LGSN: variants seen among roughly 807,000 people sequenced by gnomAD.
LGSN encodes the protein lengsin, lens protein with glutamine synthetase domain.
Under a neutral mutation model 19.5 loss-of-function variants are expected in LGSN, and 21 were observed. The observed-to-expected ratio is 1.07, with a 90% CI of 0.76 to 1.55. LGSN has a LOEUF of 1.55. Among genes scored for constraint, LGSN ranks in the 40% most tolerant of loss-of-function variants. LGSN has a pLI of 0.00. For missense variants in LGSN, 673 were observed against 608.5 expected (o/e 1.11, Z -1.12); for synonymous variants, 257 against 215.6 (o/e 1.19, Z -1.68).
the LGSN span, among the ~76,000 whole-genome samples, chr6:63,539,784 G>A: frequency 4.6e-5 from 7 of 151,152 alleles, no homozygotes; most frequent in Non-Finnish European, 7.4e-5. Context: ...AAAAAAATTG[G>A]CAAAGGATAT....
the LGSN span, among the ~76,000 whole-genome samples, chr6:63,505,319 G>A: frequency 6.6e-6 from 1 of 151,720 alleles, no homozygotes; most frequent in East Asian, 1.9e-4. Context: ...TCTCACATCT[G>A]TAATCCCAGC....
the LGSN span, among the ~76,000 whole-genome samples, chr6:63,505,085 CT>C: frequency 6.6e-6 from 1 of 151,936 alleles, no homozygotes; most frequent in Non-Finnish European, 1.5e-5. Context: ...TCCTTTTCTT[CT>C]TTATTGTCCT....
chr6:63,299,331 T>C (rs1768098831), intron 1 of LGSN, among the ~76,000 whole-genome samples: 1 of 152,210 alleles, frequency 6.6e-6, no homozygotes, highest in Non-Finnish European at 1.5e-5. Flanking sequence ...CTAGAGACTC[T>C]TATCATTGAC....
chr6:63,356,547 A>G, the LGSN span, among the ~76,000 whole-genome samples: 1 of 152,126 alleles, frequency 6.6e-6, no homozygotes, highest in African/African-American at 2.4e-5. Flanking sequence ...TGTCTCAAAA[A>G]GTTAAAAAAT....
the LGSN span, among the ~76,000 whole-genome samples, chr6:63,338,260 A>G: frequency 2.1e-4 from 32 of 152,258 alleles, no homozygotes; most frequent in African/African-American, 7.7e-4. Context: ...AATAAATAAG[A>G]AGCCATTATA....
intron 1 of LGSN, among the ~76,000 whole-genome samples, chr6:63,300,885 G>A (rs1485109732): frequency 6.6e-6 from 1 of 152,112 alleles, no homozygotes; most frequent in Non-Finnish European, 1.5e-5. Flanking sequence ...GTTTTTATCT[G>A]CAGATACTGA....
the LGSN span, among the ~76,000 whole-genome samples, chr6:63,454,842 T>C: frequency 1.6e-5 from 2 of 128,488 alleles, no homozygotes; most frequent in Non-Finnish European, 3.1e-5. Context: ...TCACCCAGGC[T>C]GGAGTGTAAT....
chr6:63,366,851 A>G, the LGSN span, among the ~76,000 whole-genome samples: 2 of 151,128 alleles, frequency 1.3e-5, no homozygotes, highest in Admixed American at 1.3e-4. Context: ...AGGATTCCCT[A>G]TTTAATAAAT....
At chr6:63,294,324 G>A (rs1767892069) in intron 2 of LGSN, among the ~76,000 whole-genome samples, 1 of 151,876 alleles carries the variant, frequency 6.6e-6, no homozygotes, top group Admixed American at 6.6e-5. Context: ...GACAGAGTGA[G>A]ACTCTGTCTC....
chr6:63,414,214 C>T, the LGSN span, among the ~76,000 whole-genome samples: 41 of 152,028 alleles, frequency 2.7e-4, no homozygotes, highest in African/African-American at 9.9e-4. Context: ...CTATGTGGCA[C>T]AGGGCCTGAT....
the LGSN span, among the ~76,000 whole-genome samples, chr6:63,542,145 T>C: frequency 6.6e-6 from 1 of 151,766 alleles, no homozygotes; most frequent in Non-Finnish European, 1.5e-5. Flanking sequence ...CATTGGAGAA[T>C]ACTAGTCTAA....
At chr6:63,534,485 A>G in the LGSN span, among the ~76,000 whole-genome samples, 2 of 149,552 alleles carry the variant, frequency 1.3e-5, no homozygotes, top group Non-Finnish European at 3.0e-5. Context: ...ACACACACAC[A>G]CCTCTAAAAC....
the LGSN span, among the ~76,000 whole-genome samples, chr6:63,372,804 A>T: frequency 6.7e-4 from 102 of 152,312 alleles, no homozygotes; most frequent in African/African-American, 2.4e-3. Flanking sequence ...AAACCATGAC[A>T]AAAGGCTTTC....
chr6:63,418,693 T>C, the LGSN span, among the ~76,000 whole-genome samples: 1 of 151,972 alleles, frequency 6.6e-6, no homozygotes, highest in Non-Finnish European at 1.5e-5. Context: ...TCTTTTTGTC[T>C]CATGTATTCC....
chr6:63,347,864 T>C, the LGSN span, among the ~76,000 whole-genome samples: 3 of 152,220 alleles, frequency 2.0e-5, no homozygotes, highest in Non-Finnish European at 4.4e-5. Context: ...CTAAGTCATA[T>C]ATGACTCATA....
At chr6:63,547,187 A>ATTTT in the LGSN span, among the ~76,000 whole-genome samples, 5 of 133,984 alleles carry the variant, frequency 3.7e-5, no homozygotes, top group African/African-American at 5.5e-5. Flanking sequence ...GTAGGGGGGA[A>ATTTT]TTTTTTTTTT....
the LGSN span, among the ~76,000 whole-genome samples, chr6:63,421,027 T>C: frequency 6.8e-6 from 1 of 147,002 alleles, no homozygotes. Flanking sequence ...AACAGCAGAA[T>C]GTGGCTTGGT....
At position 63,285,705 on chromosome 6, in the gene LGSN, G is replaced by A. The variant is rs761631352; in HGVS notation, c.212C>T (p.Ser71Phe). ...SQILTPPQLS[S>F]RMKHIRQAMA... ...GGCTTGTCTAATGTGTTTCATTCTA[G>A]AAGAGAGTTGAGGTGGGGTCAAAAT... The change falls in exon 3 of 4, where the codon TCT becomes TTT. Residue 71 changes from serine to phenylalanine, a missense_variant. Transcript: ENST00000370657. The A allele has an allele frequency of 2.5e-6, 4 of 1,614,020 alleles. No homozygotes were observed. The highest frequency in any genetic ancestry group is 3.4e-6 in the Non-Finnish European group (4 of 1,179,926).
rs1220005300 is a variant in LGSN, at chr6:63,278,082, A to C, written c.*1939T>G. On this transcript the variant is annotated 3_prime_UTR_variant, in exon 4 of 4. Coordinates refer to ENST00000370657, the MANE Select transcript of LGSN (RefSeq NM_016571.3). ...CAAAGCGAGACTCCATCTCGGAAAA[A>C]AAAAAAAAATACAAGAAAAGAAAAG... 1 of 152,024 alleles carries C rather than the reference A, an allele frequency of 6.6e-6. No individual in the cohort carries two copies. The highest frequency in any genetic ancestry group is 1.5e-5 in the Non-Finnish European group (1 of 68,048). 9.4% of individuals were successfully genotyped at this position (152,024 alleles called of 1,614,324 possible). A position where few individuals can be genotyped will look rare whatever the true frequency, so the allele number is the denominator to read the frequency against.
Sources: allele counts gnomAD v4.1 joint callset (sites outside exome capture counted in the v4.1 genomes callset), GRCh38; gene constraint gnomAD v4.1.1; transcripts MANE v1.5; gene names NCBI Gene and HGNC (gene_info 2026-07-23, HGNC 2026-07-21).